AKAP9: variants seen among roughly 807,000 people sequenced by gnomAD.
AKAP9 encodes A-kinase anchoring protein 9, also known as A-kinase anchor protein 9.
Under a neutral mutation model 488.5 loss-of-function variants are expected in AKAP9, and 311 were observed. The observed-to-expected ratio is 0.64, with a 90% confidence interval of 0.58 to 0.70. AKAP9 has a LOEUF of 0.70. AKAP9 is among the 30% of genes least tolerant of loss of function. The pLI is 0.00. For missense variants in AKAP9, 4,215 were observed against 4,374.5 expected (o/e 0.96, Z 1.03); for synonymous variants, 1,462 against 1,483.5 (o/e 0.99, Z 0.33).
chr7:92,052,177 A>G (rs948670272), intron 21 of AKAP9, among the ~76,000 whole-genome samples: 1 of 152,198 alleles, frequency 6.6e-6, no homozygotes, highest in African/African-American at 2.4e-5. Context: ...AAAGTTAGTC[A>G]TCACCAGATA....
In AKAP9 at chr7:92,003,380, CA is replaced by C. The variant is rs1463027481; in HGVS notation, c.3318+146del. The C allele has an allele frequency of 4.6e-6, 3 of 652,044 alleles. No homozygotes were observed. The East Asian group carries it at 8.6e-5, about 19-fold the overall frequency. The allele number at this position is 652,044 out of a possible 1,614,324, so 40.4% of individuals were successfully genotyped here. The stretch of plus-strand genomic sequence containing the variant: ...TGATGTAATTTTAACTTGAGCCTAT[CA>C]TTTATTTATCATTTAAGTACTTTTT... On this transcript the variant is annotated intron_variant, in intron 8 of 49. Transcript: ENST00000356239.
chr7:92,018,838 C>G (rs1489037242), intron 12 of AKAP9, among the ~76,000 whole-genome samples: 1 of 152,184 alleles, frequency 6.6e-6, no homozygotes, highest in African/African-American at 2.4e-5. Context: ...TTCTGAGCTG[C>G]AGAGTCATAT....
intron 1 of AKAP9, among the ~76,000 whole-genome samples, chr7:91,947,962 T>G (rs1180894180): frequency 1.3e-5 from 2 of 152,216 alleles, no homozygotes; most frequent in Non-Finnish European, 2.9e-5. Context: ...CTTCATTGCT[T>G]CTTCCCTCTA....
intron 22 of AKAP9, among the ~76,000 whole-genome samples, chr7:92,054,501 A>C (rs1336337152): frequency 6.6e-6 from 1 of 152,062 alleles, no homozygotes; most frequent in Non-Finnish European, 1.5e-5. Context: ...GACATGTTAG[A>C]GTGTGGTGGG....
At chr7:92,040,201 T>G (rs898888138) in intron 17 of AKAP9, among the ~76,000 whole-genome samples, 7 of 152,230 alleles carry the variant, frequency 4.6e-5, no homozygotes, top group Admixed American at 2.6e-4. Context: ...TATTGAAAAT[T>G]ATTTTTTATC....
At chr7:92,015,306 A>T (rs776192773) in intron 10 of AKAP9, among the ~76,000 whole-genome samples, 1 of 152,166 alleles carries the variant, frequency 6.6e-6, no homozygotes, top group Non-Finnish European at 1.5e-5. Context: ...CAACGCGTCA[A>T]ATATTTTCAA....
chr7:92,066,514 T>A lies in AKAP9; in HGVS notation c.6298T>A (p.Phe2100Ile), dbSNP rs1308108893. Residue 2100 changes from phenylalanine to isoleucine, a missense_variant, in exon 26 of 50, where the codon TTC becomes ATC. Physicochemically the swap from Phe to Ile is conservative, Grantham distance 21. Transcript: ENST00000356239. ...ACAGCAACTTAAGGTTGTTCCTCGATTCCAGCCTATCAGTGAACATCAAAC... is the reference window on the plus strand; with the variant it reads ...ACAGCAACTTAAGGTTGTTCCTCGAATCCAGCCTATCAGTGAACATCAAAC... ...LEQQLKVVPR[F>I]QPISEHQTRE... 1.2e-6 allele frequency: 2 copies of A among 1,613,548 alleles called. No individual in the cohort carries two copies. Among genetic ancestry groups the A allele is most frequent in the Admixed American group, 3.3e-5 (2 of 60,014 alleles).
chr7:92,017,497 TTCAAGCAATTTTTTA>T (rs1801684861), intron 12 of AKAP9, among the ~76,000 whole-genome samples: 1 of 152,170 alleles, frequency 6.6e-6, no homozygotes, highest in Non-Finnish European at 1.5e-5. Flanking sequence ...CAATTTTATT[TTCAAGCAATTTTTTA>T]AAAGTCTGTA....
At chr7:91,965,292 T>C (rs1794304713) in intron 1 of AKAP9, among the ~76,000 whole-genome samples, 1 of 152,218 alleles carries the variant, frequency 6.6e-6, no homozygotes. Flanking sequence ...CTGATATTTG[T>C]CTTTCTGTGC....
intron 25 of AKAP9, among the ~76,000 whole-genome samples, chr7:92,065,752 T>C (rs909999467): frequency 8.5e-5 from 13 of 152,156 alleles, no homozygotes; most frequent in African/African-American, 3.1e-4. Flanking sequence ...ATCAGGAGCT[T>C]ATTCTAGTTT....
intron 23 of AKAP9, 88 bp downstream of exon 23, chr7:92,061,510 T>C (rs1809786059): frequency 2.8e-6 from 4 of 1,449,116 alleles, no homozygotes; most frequent in Non-Finnish European, 1.9e-6. Context: ...TTGGAAGCCG[T>C]CAATCCAATT....
At chr7:91,985,639 G>T (rs376103279) in intron 3 of AKAP9, among the ~76,000 whole-genome samples, 3 of 151,966 alleles carry the variant, frequency 2.0e-5, no homozygotes, top group East Asian at 3.9e-4. Context: ...AGTTAGGGAG[G>T]ATTCCCCCAC....
intron 21 of AKAP9, 115 bp downstream of exon 21, chr7:92,045,328 C>T (rs1272018227): frequency 2.0e-6 from 2 of 987,750 alleles, no homozygotes; most frequent in Non-Finnish European, 3.1e-6. Context: ...AGCAAATGGA[C>T]CTTCAAACAG....
At chr7:92,106,377 T>C (rs959519037) in intron 47 of AKAP9, among the ~76,000 whole-genome samples, 49 of 149,556 alleles carry the variant, frequency 3.3e-4, no homozygotes, top group Non-Finnish European at 5.8e-4. Context: ...AGATGAAAAA[T>C]CGAGGCATGG....
At chr7:92,010,128 C>T (rs973345501) in intron 8 of AKAP9, among the ~76,000 whole-genome samples, 1 of 152,234 alleles carries the variant, frequency 6.6e-6, no homozygotes, top group East Asian at 1.9e-4. Flanking sequence ...GGGGATTGGT[C>T]AGGGTGGTGG....
In AKAP9 at chr7:92,079,652, A is replaced by C; in HGVS notation, c.7519A>C (p.Thr2507Pro). ...LETRLLQLES[T>P]VSAKDLELTQ... is the part of the protein sequence containing the mutation. ...AACAAGGTTGCTACAACTTGAGAGC[A>C]CTGTTAGTGCAAAGGACTTAGAACT... The change falls in exon 31 of 50, where the codon ACT becomes CCT. Residue 2507 changes from threonine to proline, a missense_variant. Physicochemically the swap from Thr to Pro is conservative, Grantham distance 38. Transcript: ENST00000356239. The C allele has an allele frequency of 6.2e-7, 1 of 1,613,996 alleles. No individual in the cohort carries two copies. Among genetic ancestry groups the C allele is most frequent in the Non-Finnish European group, 8.5e-7 (1 of 1,179,982 alleles).
chr7:92,044,932 C>A (rs1248386136), intron 20 of AKAP9, 76 bp from the exon 21 acceptor site: 52 of 1,196,206 alleles, frequency 4.3e-5, no homozygotes, highest in Non-Finnish European at 5.6e-5. Flanking sequence ...TTGCAGTGTA[C>A]TTTTTAGTGG....
intron 22 of AKAP9, among the ~76,000 whole-genome samples, chr7:92,054,095 G>T (rs562061451): frequency 3.9e-5 from 6 of 152,158 alleles, no homozygotes; most frequent in Non-Finnish European, 7.4e-5. Context: ...GGGAGTAGGC[G>T]TTTTTAAAAA....
At chr7:91,976,203 A>G (rs1584663136) in intron 2 of AKAP9, among the ~76,000 whole-genome samples, 1 of 152,154 alleles carries the variant, frequency 6.6e-6, no homozygotes, top group South Asian at 2.1e-4. Context: ...GACTACGGGC[A>G]TTAGCCACTA....
Sources: gnomAD v4.1 joint callset for allele counts (sites outside exome capture counted in the v4.1 genomes callset) on GRCh38, gnomAD v4.1.1 for gene constraint, MANE v1.5 for transcripts, NCBI Gene and HGNC (gene_info 2026-07-23, HGNC 2026-07-21) for gene names.